The following RELN variants were observed in gnomAD, a reference collection of about 807,000 sequenced individuals.
RELN encodes reelin.
In RELN, 108 loss-of-function variants were observed where a neutral mutation model predicts 427.6. That is an observed-to-expected ratio of 0.25 (90% CI 0.22 to 0.30). The LOEUF is 0.30. Ranked by LOEUF, RELN falls within the 10% of genes least tolerant of loss-of-function variation. The probability of loss-of-function intolerance (pLI) is 1.00; values close to 1 mark genes in which losing one functional copy is unlikely to be tolerated. For missense variants in RELN, 3,715 were observed against 4,302.8 expected, an observed-to-expected ratio of 0.86 and a Z score of 3.82; for synonymous variants, 1,524 against 1,513.4, an observed-to-expected ratio of 1.01 and a Z score of -0.16.
chr7:103,946,684 C>G (rs1000788878), intron 1 of RELN, among the ~76,000 whole-genome samples: 1 of 152,168 alleles, frequency 6.6e-6, no homozygotes, highest in Admixed American at 6.5e-5. Flanking sequence ...AATAGAGTTG[C>G]TATATACTTT....
chr7:103,691,581 G>A (rs1406970965), intron 10 of RELN, among the ~76,000 whole-genome samples: 1 of 152,120 alleles, frequency 6.6e-6, no homozygotes, highest in Non-Finnish European at 1.5e-5. Context: ...AAGAGGCTGA[G>A]GTGGGTGAAT....
chr7:103,879,116 T>C (rs1794549684), intron 2 of RELN, among the ~76,000 whole-genome samples: 1 of 152,314 alleles, frequency 6.6e-6, no homozygotes, highest in East Asian at 1.9e-4. Flanking sequence ...ACTTTATGGT[T>C]AAGAGGCTGA....
At chr7:103,746,161 T>G (rs1432803467) in intron 6 of RELN, among the ~76,000 whole-genome samples, 1 of 152,032 alleles carries the variant, frequency 6.6e-6, no homozygotes, top group Non-Finnish European at 1.5e-5. Flanking sequence ...AAACAAGCAA[T>G]GGGGAAAGAA....
chr7:103,814,766 T>C (rs1000500642), intron 3 of RELN, among the ~76,000 whole-genome samples: 9 of 108,838 alleles, frequency 8.3e-5, no homozygotes, highest in African/African-American at 3.3e-4. Flanking sequence ...TGTAGCTCTG[T>C]GACAGAGCTC....
intron 1 of RELN, among the ~76,000 whole-genome samples, chr7:103,966,339 A>G (rs6966767): frequency 0.7 from 106,886 of 152,086 alleles, 38,184 homozygotes; most frequent in African/African-American, 0.83. Context: ...CACACACCAC[A>G]CTCACCCAGA....
intron 46 of RELN, among the ~76,000 whole-genome samples, chr7:103,534,964 A>G (rs1258949407): frequency 1.3e-5 from 2 of 152,206 alleles, no homozygotes; most frequent in African/African-American, 2.4e-5. Context: ...ACTCTGTTTC[A>G]GTCTATTCTG....
At chr7:103,703,186 T>G (rs1834129955) in intron 8 of RELN, among the ~76,000 whole-genome samples, 1 of 152,048 alleles carries the variant, frequency 6.6e-6, no homozygotes, top group South Asian at 2.1e-4. Flanking sequence ...AAGAGAGCGC[T>G]CAGCTTTGGA....
intron 8 of RELN, among the ~76,000 whole-genome samples, chr7:103,720,141 A>G (rs1197559934): frequency 6.6e-6 from 1 of 151,508 alleles, no homozygotes; most frequent in African/African-American, 2.4e-5. Context: ...GTATACATAT[A>G]TAATGTAATA....
At chr7:103,562,985 G>A (rs1830674160) in intron 34 of RELN, among the ~76,000 whole-genome samples, 1 of 152,102 alleles carries the variant, frequency 6.6e-6, no homozygotes, top group African/African-American at 2.4e-5. Flanking sequence ...CTGGCTTCCT[G>A]GATTTTGTTC....
chr7:103,737,834 T>C (rs1374031540), intron 6 of RELN, among the ~76,000 whole-genome samples: 1 of 152,200 alleles, frequency 6.6e-6, no homozygotes, highest in Non-Finnish European at 1.5e-5. Flanking sequence ...AGCAATCCAA[T>C]GCAATGCCAA....
chr7:103,892,065 G>A lies in RELN; in HGVS notation c.337+25010C>T, dbSNP rs182706484. 4.4e-4 allele frequency among the ~76,000 whole-genome samples: 67 copies of A among 152,288 alleles called. 1 individual carries two copies. The highest frequency in any genetic ancestry group is 1.5e-3 in the African/African-American group (62 of 41,570). On this transcript the variant is annotated intron_variant, in intron 2 of 64. Coordinates refer to ENST00000428762, the MANE Select transcript of RELN (RefSeq NM_005045.4). ...CAACATCTCCTTCCCCTACTCCAACGTATTCGGACAAAGCCATACAACTAT... is the reference window on the plus strand; with the variant it reads ...CAACATCTCCTTCCCCTACTCCAACATATTCGGACAAAGCCATACAACTAT...
chr7:103,949,201 G>A (rs1027299828), intron 1 of RELN, among the ~76,000 whole-genome samples: 2 of 152,026 alleles, frequency 1.3e-5, no homozygotes, highest in African/African-American at 4.8e-5. Flanking sequence ...CTAGAATGGA[G>A]AGTATTATTT....
At chr7:103,513,085 CAAAGTGCACAG>C (rs1722596317) in intron 50 of RELN, 1 of 152,174 alleles carries the variant, frequency 6.6e-6, no homozygotes, top group South Asian at 2.1e-4. Flanking sequence ...ACTCAAGAGT[CAAAGTGCACAG>C]AAATTTGAAT....
chr7:103,872,033 TTTC>T (rs1261627514), intron 2 of RELN, among the ~76,000 whole-genome samples: 2 of 108,498 alleles, frequency 1.8e-5, no homozygotes, highest in East Asian at 2.5e-4. Flanking sequence ...TATATATATT[TTTC>T]TTTTTTCTTT....
intron 2 of RELN, among the ~76,000 whole-genome samples, chr7:103,871,077 A>C (rs547344175): frequency 2.2e-4 from 34 of 152,182 alleles, no homozygotes; most frequent in African/African-American, 8.2e-4. Context: ...AGTAAGTAAA[A>C]ACCCAATCTA....
chr7:103,693,230 AAACT>A (rs1171948832), intron 10 of RELN, among the ~76,000 whole-genome samples: 1 of 152,088 alleles, frequency 6.6e-6, no homozygotes, highest in Non-Finnish European at 1.5e-5. Context: ...CATTCTCAGC[AAACT>A]AACACAGGAA....
At chr7:103,481,394 C>G (rs942929807) in intron 63 of RELN, among the ~76,000 whole-genome samples, 2 of 152,178 alleles carry the variant, frequency 1.3e-5, no homozygotes, top group African/African-American at 2.4e-5. Flanking sequence ...AATGCTTTGT[C>G]AGGCACAGGA....
At position 103,551,180 on chromosome 7, in the gene RELN, G is replaced by A. The variant is rs529198383; in HGVS notation, c.6189C>T (p.Ser2063=). 28 of 1,613,962 alleles carry A rather than the reference G, an allele frequency of 1.7e-5. No individual in the cohort carries two copies. In the African/African-American group the frequency reaches 3.1e-4, roughly 18 times the overall value. ...CGGTGGAGCATAAAGAGCTGACGTG[G>A]CTGCTGCTGTGGTAGCAGAGGGGCA... ...LLLPLCYHSS[S]HVSSLCSTEH... The change falls in exon 41 of 65, where the codon AGC becomes AGT. Residue 2063 remains serine (S), a synonymous_variant. Transcript: ENST00000428762.
At chr7:103,908,755 T>C (rs1795274266) in intron 2 of RELN, among the ~76,000 whole-genome samples, 1 of 152,190 alleles carries the variant, frequency 6.6e-6, no homozygotes, top group Non-Finnish European at 1.5e-5. Context: ...AACTAGTTCT[T>C]AATGAAGGTA....
Sources: allele counts gnomAD v4.1 joint callset (sites outside exome capture counted in the v4.1 genomes callset), GRCh38; gene constraint gnomAD v4.1.1; transcripts MANE v1.5; gene names NCBI Gene and HGNC (gene_info 2026-07-23, HGNC 2026-07-21).